The following VPS13B variants were observed in gnomAD, a reference collection of about 807,000 sequenced individuals.
VPS13B encodes vacuolar protein sorting 13 homolog B.
In VPS13B, 285 loss-of-function variants were observed where a neutral mutation model predicts 426.4. That is an observed-to-expected ratio of 0.67 (90% CI 0.61 to 0.74). The LOEUF (loss-of-function observed/expected upper bound fraction) is 0.74. VPS13B is among the 30% of genes least tolerant of loss of function. VPS13B has a pLI of 0.00. For missense variants in VPS13B, 4,537 were observed against 4,782.6 expected, an observed-to-expected ratio of 0.95 and a Z score of 1.51; for synonymous variants, 1,676 against 1,676.4, an observed-to-expected ratio of 1.00 and a Z score of 0.01.
At chr8:99,313,127 C>T (rs1353511509) in intron 19 of VPS13B, among the ~76,000 whole-genome samples, 1 of 152,170 alleles carries the variant, frequency 6.6e-6, no homozygotes, top group Non-Finnish European at 1.5e-5. Context: ...CCTTCTTTAG[C>T]TCGGAGAAGT....
intron 50 of VPS13B, 108 bp from the exon 51 acceptor site, chr8:99,823,724 G>T: frequency 8.4e-7 from 1 of 1,184,782 alleles, no homozygotes; most frequent in Non-Finnish European, 1.2e-6. Flanking sequence ...GGTAAAATTG[G>T]TACTGTCCTG....
intron 33 of VPS13B, among the ~76,000 whole-genome samples, chr8:99,594,267 G>T (rs1826874876): frequency 6.6e-6 from 1 of 151,816 alleles, no homozygotes; most frequent in African/African-American, 2.4e-5. Flanking sequence ...CCCATCTCCT[G>T]TGTTTACTTT....
At chr8:99,387,641 C>T (rs1349118980) in intron 20 of VPS13B, among the ~76,000 whole-genome samples, 2 of 152,032 alleles carry the variant, frequency 1.3e-5, no homozygotes, top group Non-Finnish European at 2.9e-5. Context: ...GTTCCCCCTG[C>T]CCCACCCCAC....
In VPS13B at chr8:99,092,152, G is replaced by A. The variant is rs1454176938; in HGVS notation, c.292-4160G>A. 2.6e-5 allele frequency: 4 copies of A among 152,176 alleles called. No individual in the cohort carries two copies. In the South Asian group the frequency reaches 6.2e-4, roughly 24 times the overall value. 9.4% of individuals were successfully genotyped at this position (152,176 alleles called of 1,614,324 possible). A position where few individuals can be genotyped will look rare whatever the true frequency, so the allele number is the denominator to read the frequency against. On this transcript the variant is annotated intron_variant, in intron 3 of 61. Coordinates refer to ENST00000357162, the MANE Select transcript of VPS13B (RefSeq NM_152564.5). ...ACATGAACTCATGATCTGTCAGTAT[G>A]AAAGTAATGGATCTGTTTACGTGCA...
Position 99,143,121 on chromosome 8 carries a change from G to T in VPS13B, c.1799G>T (p.Cys600Phe). The T allele has an allele frequency of 6.2e-7, 1 of 1,614,024 alleles. No individual in the cohort carries two copies. The highest frequency in any genetic ancestry group is 1.3e-5 in the African/African-American group (1 of 75,036). The change falls in exon 13 of 62, where the codon TGT becomes TTT. Residue 600 changes from cysteine (C) to phenylalanine (F), a missense_variant. By Grantham distance (205) the Cys-to-Phe change is radical. This residue lies in a region of VPS13B where 4,311 missense variants were observed against 4,474.3 expected (regional missense o/e 0.96). Coordinates refer to ENST00000357162, the MANE Select transcript of VPS13B (RefSeq NM_152564.5). The part of the protein sequence containing the change: ...AVHRILKMIV[C>F]ALEHEYEPYS... ...CATAGGATTTTGAAAATGATTGTGTGTGCCTTGGAACATGAATATGAACCA... is the reference window on the plus strand; with the variant it reads ...CATAGGATTTTGAAAATGATTGTGTTTGCCTTGGAACATGAATATGAACCA...
At chr8:99,199,282 T>C (rs995321756) in intron 17 of VPS13B, among the ~76,000 whole-genome samples, 1 of 152,042 alleles carries the variant, frequency 6.6e-6, no homozygotes, top group Non-Finnish European at 1.5e-5. Flanking sequence ...CCTGGGTTCA[T>C]GCCATTTTCC....
intron 33 of VPS13B, among the ~76,000 whole-genome samples, chr8:99,584,152 G>A (rs777748916): frequency 7.9e-5 from 12 of 152,228 alleles, no homozygotes; most frequent in Admixed American, 1.3e-4. Context: ...ATCTAGGCCT[G>A]GAAAAGATAT....
intron 33 of VPS13B, among the ~76,000 whole-genome samples, chr8:99,595,566 G>GT (rs956639128): frequency 6.6e-6 from 1 of 151,514 alleles, no homozygotes; most frequent in African/African-American, 2.4e-5. Flanking sequence ...ATTAAGCAGT[G>GT]TTTTTTTAGA....
intron 19 of VPS13B, among the ~76,000 whole-genome samples, chr8:99,337,437 A>G (rs753911175): frequency 6.6e-6 from 1 of 151,830 alleles, no homozygotes; most frequent in Admixed American, 6.6e-5. Flanking sequence ...TGGGTGCAGC[A>G]CACCAGCATG....
chr8:99,486,178 T>A (rs1820298873), intron 25 of VPS13B, among the ~76,000 whole-genome samples: 1 of 152,090 alleles, frequency 6.6e-6, no homozygotes, highest in Non-Finnish European at 1.5e-5. Flanking sequence ...TGTCTTATCA[T>A]ATAAGTAGTA....
At chr8:99,509,475 C>CAT (rs1821673435) in intron 28 of VPS13B, among the ~76,000 whole-genome samples, 1 of 151,410 alleles carries the variant, frequency 6.6e-6, no homozygotes, top group Non-Finnish European at 1.5e-5. Context: ...ATTATAAAGT[C>CAT]TAAATTAAAA....
At chr8:99,330,672 G>C (rs542467780) in intron 19 of VPS13B, among the ~76,000 whole-genome samples, 1 of 151,740 alleles carries the variant, frequency 6.6e-6, no homozygotes, top group African/African-American at 2.4e-5. Context: ...TGGAGTGCTG[G>C]GTTGAAAAGT....
intron 35 of VPS13B, among the ~76,000 whole-genome samples, chr8:99,665,700 C>T (rs1439940824): frequency 1.3e-5 from 2 of 152,154 alleles, no homozygotes; most frequent in Non-Finnish European, 2.9e-5. Flanking sequence ...GTACCAGTAC[C>T]ATGCTGTTTT....
Position 99,193,057 on chromosome 8 carries a change from G to A in VPS13B, c.2515G>A (p.Gly839Ser). 1 of 1,613,276 alleles carries A rather than the reference G, an allele frequency of 6.2e-7. No individual in the cohort carries two copies. The highest frequency in any genetic ancestry group is 2.2e-5 in the East Asian group (1 of 44,798). Reference protein sequence around the residue: ...ALINEIFLSIGVKSKNPLPTL... With the variant: ...ALINEIFLSISVKSKNPLPTL... ...GATAAATGAAATCTTCCTAAGTATAGGTAAGAGCACAGTCTTTTTGATAAC... is the reference window on the plus strand; with the variant it reads ...GATAAATGAAATCTTCCTAAGTATAAGTAAGAGCACAGTCTTTTTGATAAC... The change falls in exon 17 of 62, where the codon GGT becomes AGT. Residue 839 changes from glycine (G) to serine (S), a missense_variant and splice_region_variant. This residue lies in a region of VPS13B where 4,311 missense variants were observed against 4,474.3 expected (regional missense o/e 0.96). Coordinates refer to ENST00000357162, the MANE Select transcript of VPS13B (RefSeq NM_152564.5).
chr8:99,405,495 A>T (rs1302503288), intron 21 of VPS13B, among the ~76,000 whole-genome samples: 1 of 152,180 alleles, frequency 6.6e-6, no homozygotes, highest in Non-Finnish European at 1.5e-5. Context: ...AACTAGTCTT[A>T]CTGGTGCCAT....
chr8:99,220,377 A>C (rs1220820868), intron 17 of VPS13B, among the ~76,000 whole-genome samples: 3 of 152,160 alleles, frequency 2.0e-5, no homozygotes, highest in African/African-American at 7.2e-5. Flanking sequence ...TGGCATGTTA[A>C]TTTAAGACAT....
intron 25 of VPS13B, among the ~76,000 whole-genome samples, chr8:99,490,003 C>T (rs1290277860): frequency 1.3e-5 from 2 of 152,092 alleles, no homozygotes; most frequent in Non-Finnish European, 2.9e-5. Context: ...GGAATGCTTC[C>T]AGTTTTTGCC....
At chr8:99,645,161 G>A (rs962274222) in intron 34 of VPS13B, among the ~76,000 whole-genome samples, 2 of 152,146 alleles carry the variant, frequency 1.3e-5, no homozygotes, top group African/African-American at 4.8e-5. Context: ...AAAGATTCCT[G>A]TCTAAGTTTT....
chr8:99,450,817 A>T (rs1020253342), intron 23 of VPS13B, among the ~76,000 whole-genome samples: 1 of 151,964 alleles, frequency 6.6e-6, no homozygotes, highest in Admixed American at 6.6e-5. Context: ...TCATTCTGGG[A>T]TTCCAAATTT....
Sources: allele counts gnomAD v4.1 joint callset (sites outside exome capture counted in the v4.1 genomes callset), GRCh38; gene constraint gnomAD v4.1.1; regional missense constraint gnomAD v4.1.1; transcripts MANE v1.5; gene names NCBI Gene and HGNC (gene_info 2026-07-23, HGNC 2026-07-21).